KSR2: variants seen among roughly 807,000 people sequenced by gnomAD.
The protein encoded by KSR2 is kinase suppressor of ras 2.
Under a neutral mutation model 107.8 loss-of-function variants are expected in KSR2, and 25 were observed. The ratio of observed to expected loss-of-function variants is 0.23; its 90% CI spans 0.17 to 0.32. The LOEUF is 0.32. Among genes scored for constraint, KSR2 ranks in the 10% least tolerant of loss-of-function variants. The probability of loss-of-function intolerance (pLI) is 1.00; values close to 1 mark genes in which losing one functional copy is unlikely to be tolerated. For synonymous variants in KSR2, 480 were observed against 507.0 expected (o/e 0.95, Z 0.71); for missense variants, 887 against 1,268.9 (o/e 0.70, Z 4.57).
intron 5 of KSR2, among the ~76,000 whole-genome samples, chr12:117,634,651 T>G (rs981860806): frequency 6.6e-6 from 1 of 152,008 alleles, no homozygotes; most frequent in Non-Finnish European, 1.5e-5. Flanking sequence ...GGAAGCAATG[T>G]CATTAGGCAG....
chr12:117,567,619 C>T (rs1014070996), intron 7 of KSR2, among the ~76,000 whole-genome samples: 6 of 149,292 alleles, frequency 4.0e-5, no homozygotes, highest in African/African-American at 1.5e-4. Flanking sequence ...ACCTGCTTTC[C>T]TTTTCCAGGT....
intron 1 of KSR2, among the ~76,000 whole-genome samples, chr12:117,885,429 G>A (rs1253432367): frequency 6.6e-6 from 1 of 152,096 alleles, no homozygotes; most frequent in African/African-American, 2.4e-5. Context: ...AGGAAAGGTG[G>A]AGCCAGAAGA....
chr12:117,899,954 C>G (rs1291932617), intron 1 of KSR2, among the ~76,000 whole-genome samples: 1 of 152,196 alleles, frequency 6.6e-6, no homozygotes, highest in Non-Finnish European at 1.5e-5. Context: ...CAGAAAGCTG[C>G]AAGGACATGA....
At chr12:117,622,888 T>C (rs1882266857) in intron 5 of KSR2, among the ~76,000 whole-genome samples, 1 of 152,206 alleles carries the variant, frequency 6.6e-6, no homozygotes, top group African/African-American at 2.4e-5. Context: ...ACTGCCCTCT[T>C]GGAATGCATT....
chr12:117,885,133 G>A (rs1250345677), intron 1 of KSR2, among the ~76,000 whole-genome samples: 3 of 152,186 alleles, frequency 2.0e-5, no homozygotes, highest in Non-Finnish European at 1.5e-5. Flanking sequence ...AGCTCTGAGA[G>A]GCTTCTGAGA....
chr12:117,573,374 G>A (rs1344556150), intron 7 of KSR2, among the ~76,000 whole-genome samples: 2 of 152,010 alleles, frequency 1.3e-5, no homozygotes, highest in African/African-American at 2.4e-5. Context: ...CGTTGTCGTT[G>A]TCATTAAGCA....
At chr12:117,693,755 A>T (rs879269168) in intron 4 of KSR2, among the ~76,000 whole-genome samples, 5 of 152,118 alleles carry the variant, frequency 3.3e-5, no homozygotes, top group Non-Finnish European at 7.4e-5. Context: ...GAGCGCTCCC[A>T]ACCCCAGGAA....
chr12:117,468,831 G>T (rs913707457), intron 19 of KSR2, among the ~76,000 whole-genome samples: 4 of 152,226 alleles, frequency 2.6e-5, no homozygotes, highest in African/African-American at 9.6e-5. Flanking sequence ...ATATGGATGT[G>T]TGTGAGTATA....
intron 4 of KSR2, among the ~76,000 whole-genome samples, chr12:117,754,758 G>A (rs1408077788): frequency 3.3e-5 from 5 of 152,230 alleles, no homozygotes; most frequent in Admixed American, 6.5e-5. Context: ...CTGAGATTGC[G>A]CCATTGCACT....
rs17439762 is a variant in KSR2, at chr12:117,807,110, C to T, written c.473-45586G>A. On this transcript the variant is annotated intron_variant, in intron 3 of 19. Transcript: ENST00000339824. ...AATCTGCAGTGCCACCAAGAAGCTG[C>T]GAGCCCCTGATCAAACCTAACAGGA... Among the ~76,000 whole-genome samples the T allele has an allele frequency of 9.4e-3, 1,431 of 152,264 alleles. 18 individuals carry two copies. The highest frequency in any genetic ancestry group is 0.015 in the Non-Finnish European group (1,054 of 68,016).
chr12:117,581,015 A>C (rs545744456), intron 6 of KSR2, among the ~76,000 whole-genome samples: 73 of 152,310 alleles, frequency 4.8e-4, no homozygotes, highest in Non-Finnish European at 9.0e-4. Context: ...AGGAAAATAC[A>C]AAAAAAGGCC....
intron 4 of KSR2, among the ~76,000 whole-genome samples, chr12:117,680,230 G>A (rs903557433): frequency 1.3e-5 from 2 of 152,196 alleles, no homozygotes; most frequent in East Asian, 1.9e-4. Flanking sequence ...TATGGGGAGG[G>A]AAGTAAACAG....
At chr12:117,661,789 C>G (rs1884441843) in intron 5 of KSR2, among the ~76,000 whole-genome samples, 1 of 152,070 alleles carries the variant, frequency 6.6e-6, no homozygotes, top group African/African-American at 2.4e-5. Flanking sequence ...TTGGAGAACC[C>G]CCGGTAGAAC....
rs575815150 is a variant in KSR2 at position 117,672,123 on chromosome 12, T to C, written c.987-4465A>G. Among the ~76,000 whole-genome samples, 40 of 152,062 alleles carry C rather than the reference T, an allele frequency of 2.6e-4. 1 individual carries two copies. In the East Asian group the frequency reaches 7.7e-3, roughly 29 times the overall value. On this transcript the variant is annotated intron_variant, in intron 4 of 19. Transcript: ENST00000339824. ...ATACTGGCGGACTCTTTCCTGCCCA[T>C]GGTCAGAGAAGAAAGGAAAGCAAGG... is the stretch of plus-strand genomic sequence containing the variant.
At chr12:117,577,178 G>A (rs769037855) in intron 7 of KSR2, among the ~76,000 whole-genome samples, 1 of 152,148 alleles carries the variant, frequency 6.6e-6, no homozygotes, top group African/African-American at 2.4e-5. Context: ...GCCTCTGCCT[G>A]GACTAGACAA....
At chr12:117,701,137 G>C (rs1886291552) in intron 4 of KSR2, among the ~76,000 whole-genome samples, 1 of 152,180 alleles carries the variant, frequency 6.6e-6, no homozygotes, top group African/African-American at 2.4e-5. Flanking sequence ...ACCCAGGCTG[G>C]AGTGCAATGG....
chr12:117,868,161 C>T (rs1250225414), intron 1 of KSR2, among the ~76,000 whole-genome samples: 1 of 152,140 alleles, frequency 6.6e-6, no homozygotes, highest in Non-Finnish European at 1.5e-5. Context: ...GGCACAGTGG[C>T]TCATGCCTGT....
rs977692292 is a variant in KSR2 at position 117,460,227 on chromosome 12, G to A, written c.*6972C>T. 6.6e-6 allele frequency: 1 copy of A among 152,152 alleles called. No homozygotes were observed. The highest frequency in any genetic ancestry group is 2.4e-5 in the African/African-American group (1 of 41,426). 9.4% of individuals were successfully genotyped at this position (152,152 alleles called of 1,614,324 possible). ...TCCATCTCCTCCAGCTCAGTCCTCA[G>A]TGGAAGGAGGACAGCCATTCTCAAC... On this transcript the variant is annotated 3_prime_UTR_variant, in exon 20 of 20. Coordinates refer to ENST00000339824, the MANE Select transcript of KSR2 (RefSeq NM_173598.6).
chr12:117,480,241 C>T (rs978249544), intron 16 of KSR2, among the ~76,000 whole-genome samples: 20 of 152,270 alleles, frequency 1.3e-4, no homozygotes, highest in Admixed American at 7.8e-4. Flanking sequence ...TTTGCAAACA[C>T]CCCTGCCACC....
Sources: gnomAD v4.1 joint callset for allele counts (sites outside exome capture counted in the v4.1 genomes callset) on GRCh38, gnomAD v4.1.1 for gene constraint, MANE v1.5 for transcripts, NCBI Gene and HGNC (gene_info 2026-07-23, HGNC 2026-07-21) for gene names.